The following SLC75A1 variants were observed in gnomAD, a reference collection of about 807,000 sequenced individuals.
SLC75A1 encodes major facilitator superfamily domain containing 10.
chr4:2,933,715 G>A, the SLC75A1 span: 1 of 1,608,336 alleles, frequency 6.2e-7, no homozygotes, highest in East Asian at 2.2e-5. Flanking sequence ...TGGGCCTGGG[G>A]GGCAGGGGGC....
At chr4:2,933,039 A>C in the SLC75A1 span, 4 of 1,490,602 alleles carry the variant, frequency 2.7e-6, no homozygotes, top group Non-Finnish European at 3.7e-6. Flanking sequence ...CTCCCCACCT[A>C]ACCCCATGGG....
chr4:2,930,573 A>G, the SLC75A1 span: 1 of 549,012 alleles, frequency 1.8e-6, no homozygotes, highest in Non-Finnish European at 3.2e-6. Context: ...GGTATAAAAC[A>G]AACAGGTGCT....
the SLC75A1 span, chr4:2,932,858 C>T: frequency 6.3e-6 from 9 of 1,429,926 alleles, no homozygotes; most frequent in African/African-American, 8.6e-5. Flanking sequence ...TCAACCCTGC[C>T]CTATTTCGAA....
At chr4:2,932,809 G>C in the SLC75A1 span, 5 of 1,523,326 alleles carry the variant, frequency 3.3e-6, no homozygotes, top group African/African-American at 7.0e-5. Flanking sequence ...AAGGCCAGGA[G>C]TGGCTCAGAG....
chr4:2,934,090 C>T, the SLC75A1 span: 3 of 721,944 alleles, frequency 4.2e-6, no homozygotes, highest in African/African-American at 1.8e-5. Flanking sequence ...TTCTGGCCTG[C>T]GCGATGCCCC....
At chr4:2,933,890 G>T in the SLC75A1 span, 2 of 1,576,276 alleles carry the variant, frequency 1.3e-6, no homozygotes, top group East Asian at 2.3e-5. Flanking sequence ...ATGGGTGGGC[G>T]CGGGGTGCAG....
At chr4:2,931,128 C>T in the SLC75A1 span, 746 of 1,576,740 alleles carry the variant, frequency 4.7e-4, 4 homozygotes, top group African/African-American at 8.4e-3. Flanking sequence ...TACCCATGAC[C>T]GTGCCCTTCT....
the SLC75A1 span, chr4:2,932,070 A>T: frequency 2.5e-6 from 4 of 1,610,920 alleles, no homozygotes; most frequent in Admixed American, 1.7e-5. Flanking sequence ...GGTCCTGGCC[A>T]CGAGCGACAG....
the SLC75A1 span, chr4:2,931,290 G>C: frequency 6.4e-7 from 1 of 1,551,206 alleles, no homozygotes; most frequent in Non-Finnish European, 8.7e-7. Flanking sequence ...GGGAGACATC[G>C]AGGAGGTGCC....
At chr4:2,930,674 GAGTA>G in the SLC75A1 span, 20,248 of 686,532 alleles carry the variant, frequency 0.029, 371 homozygotes, top group Middle Eastern at 0.074. Flanking sequence ...GTCACTGAAG[GAGTA>G]AGTAAGTCTG....
the SLC75A1 span, chr4:2,934,793 G>C: frequency 2.7e-5 from 4 of 147,642 alleles, no homozygotes; most frequent in East Asian, 2.1e-4. Flanking sequence ...CGCTCGGGAC[G>C]GACGGTCGCA....
the SLC75A1 span, chr4:2,934,494 CCCCCCACCCTGCGCGTCCCCGGTCCCGT>C: frequency 3.4e-5 from 4 of 116,666 alleles, no homozygotes; most frequent in Admixed American, 1.6e-4. Context: ...CCCGGTCCCG[CCCCCCACCCTGCGCGTCCCCGGTCCCGT>C]CCCCCACCCT....
chr4:2,932,235 C>T, the SLC75A1 span: 3 of 1,548,964 alleles, frequency 1.9e-6, no homozygotes, highest in South Asian at 3.5e-5. Flanking sequence ...GGTCCCAACA[C>T]CAAGAGAGCG....
At chr4:2,932,727 G>T in the SLC75A1 span, 1 of 1,590,030 alleles carries the variant, frequency 6.3e-7, no homozygotes, top group Non-Finnish European at 8.6e-7. Context: ...CCGAGAGGTG[G>T]CCCAGACTGC....
At chr4:2,930,567 T>TAAAAC in the SLC75A1 span, 2 of 536,156 alleles carry the variant, frequency 3.7e-6, no homozygotes, top group African/African-American at 1.9e-5. Flanking sequence ...GCACTTGGTA[T>TAAAAC]AAAACAAACA....
the SLC75A1 span, chr4:2,932,571 G>T: frequency 6.2e-7 from 1 of 1,612,428 alleles, no homozygotes; most frequent in Non-Finnish European, 8.5e-7. Context: ...TCACCACCAG[G>T]ACCCCAAAGG....
At chr4:2,930,763 G>A in the SLC75A1 span, 1 of 1,499,052 alleles carries the variant, frequency 6.7e-7, no homozygotes, top group Middle Eastern at 2.0e-4. Context: ...GGGGGGTGGG[G>A]GTCAGGCAGT....
the SLC75A1 span, chr4:2,930,660 C>T: frequency 1.8e-3 from 1,164 of 642,258 alleles, 11 homozygotes; most frequent in African/African-American, 0.019. Context: ...TGCTGCAGCT[C>T]GGAGTCACTG....
the SLC75A1 span, chr4:2,931,828 C>G: frequency 2.5e-6 from 4 of 1,599,834 alleles, no homozygotes; most frequent in South Asian, 1.1e-5. Context: ...GACCCACCTA[C>G]TGAACTGGAA....
Sources: allele counts gnomAD v4.1 joint callset, GRCh38; gene constraint gnomAD v4.1.1; transcripts MANE v1.5; gene names NCBI Gene and HGNC (gene_info 2026-07-23, HGNC 2026-07-21).